The following CDK6 variants were observed in gnomAD, a reference collection of about 807,000 sequenced individuals.
CDK6 encodes the protein cyclin-dependent kinase 6.
In CDK6, 6 loss-of-function variants were observed where a neutral mutation model predicts 37.1. The observed-to-expected ratio is 0.16, with a 90% CI of 0.09 to 0.32. CDK6 has a LOEUF of 0.32. CDK6 is among the 10% of genes least tolerant of loss of function. The pLI, the probability that CDK6 is intolerant of heterozygous loss-of-function variation, is 1.00. For missense variants in CDK6, 224 were observed against 418.9 expected (o/e 0.53, Z 4.06); for synonymous variants, 160 against 161.3 (o/e 0.99, Z 0.06).
intron 5 of CDK6, among the ~76,000 whole-genome samples, chr7:92,664,417 G>A (rs1796911149): frequency 6.6e-6 from 1 of 152,172 alleles, no homozygotes. Flanking sequence ...TCAACTATGG[G>A]GAGGCACCAA....
chr7:92,763,303 A>G (rs1799503098), intron 3 of CDK6, among the ~76,000 whole-genome samples: 1 of 152,198 alleles, frequency 6.6e-6, no homozygotes, highest in Non-Finnish European at 1.5e-5. Context: ...TTTAAATTTA[A>G]TATAGTTTTG....
chr7:92,718,949 A>G (rs1798300856), intron 4 of CDK6, among the ~76,000 whole-genome samples: 1 of 152,246 alleles, frequency 6.6e-6, no homozygotes, highest in Non-Finnish European at 1.5e-5. Context: ...GCACATAGAA[A>G]GTGATCAGTA....
intron 3 of CDK6, among the ~76,000 whole-genome samples, chr7:92,726,758 G>A (rs537804278): frequency 4.9e-4 from 74 of 152,264 alleles, no homozygotes; most frequent in African/African-American, 1.8e-3. Flanking sequence ...TTAAACTAGG[G>A]TCTGGAAAAC....
intron 2 of CDK6, among the ~76,000 whole-genome samples, chr7:92,811,906 A>C (rs1389987683): frequency 6.6e-6 from 1 of 152,182 alleles, no homozygotes. Context: ...TAATCCCAGC[A>C]CTTTGGGAGG....
At chr7:92,731,995 C>T (rs898330246) in intron 3 of CDK6, among the ~76,000 whole-genome samples, 1 of 152,180 alleles carries the variant, frequency 6.6e-6, no homozygotes, top group Non-Finnish European at 1.5e-5. Context: ...AAACATGAAG[C>T]CCAAGTTCCT....
At chr7:92,624,430 A>T (rs897604115) in intron 5 of CDK6, among the ~76,000 whole-genome samples, 10 of 152,170 alleles carry the variant, frequency 6.6e-5, no homozygotes, top group African/African-American at 2.4e-4. Context: ...AGAAATAAAC[A>T]TGTGAGAACC....
At chr7:92,695,951 T>G (rs1223070029) in intron 4 of CDK6, among the ~76,000 whole-genome samples, 1 of 152,234 alleles carries the variant, frequency 6.6e-6, no homozygotes, top group Admixed American at 6.5e-5. Flanking sequence ...CTGATTTCAG[T>G]TGGAGCAGCT....
chr7:92,745,383 G>A (rs552453168), intron 3 of CDK6, among the ~76,000 whole-genome samples: 3 of 152,272 alleles, frequency 2.0e-5, no homozygotes, highest in African/African-American at 7.2e-5. Flanking sequence ...GTCCCATGAA[G>A]GGCACTGATG....
At chr7:92,778,184 CA>C (rs1461036196) in intron 2 of CDK6, among the ~76,000 whole-genome samples, 1 of 151,886 alleles carries the variant, frequency 6.6e-6, no homozygotes, top group Non-Finnish European at 1.5e-5. Flanking sequence ...AAAAACAGAA[CA>C]CCAACAACTA....
chr7:92,643,977 G>A (rs1361783685), intron 5 of CDK6, among the ~76,000 whole-genome samples: 1 of 152,124 alleles, frequency 6.6e-6, no homozygotes, highest in Non-Finnish European at 1.5e-5. Flanking sequence ...AAAAGAAATG[G>A]GCCCAGAGGG....
chr7:92,807,806 C>T (rs962722894), intron 2 of CDK6, among the ~76,000 whole-genome samples: 1 of 152,034 alleles, frequency 6.6e-6, no homozygotes, highest in African/African-American at 2.4e-5. Flanking sequence ...TATAACCAAG[C>T]GAAAATTTTA....
At chr7:92,731,615 G>A (rs1389586008) in intron 3 of CDK6, among the ~76,000 whole-genome samples, 2 of 152,164 alleles carry the variant, frequency 1.3e-5, no homozygotes, top group African/African-American at 4.8e-5. Flanking sequence ...GGATAAAAGT[G>A]TAATAAAGTG....
rs542199317 is a variant in CDK6 at position 92,797,365 on chromosome 7, G to A, written c.234-22534C>T. ...GATGCAAGCATACTTGACATGTACA[G>A]TTTTTACTGGAAAAGAATGCATTAA... On this transcript the variant is annotated intron_variant, in intron 2 of 7. Coordinates refer to ENST00000424848, the MANE Select transcript of CDK6 (RefSeq NM_001145306.2). 2.0e-5 allele frequency among the ~76,000 whole-genome samples: 3 copies of A among 152,302 alleles called. No homozygotes were observed. The South Asian group carries it at 6.2e-4, about 32-fold the overall frequency.
intron 3 of CDK6, among the ~76,000 whole-genome samples, chr7:92,742,703 G>C (rs1242825027): frequency 6.6e-6 from 1 of 151,240 alleles, no homozygotes; most frequent in African/African-American, 2.4e-5. Context: ...GAATTTACCA[G>C]TTAAAATTTT....
In CDK6 at chr7:92,625,219, AACACACACACACACAC is replaced by A. The variant is rs71699291; in HGVS notation, c.648-2149_648-2134del. Reference sequence around the variant, plus strand: ...CAGAGTTACAATTAAGTGGTAACTAAACACACACACACACACACACACACACACACACACACACACC... The same window carrying A: ...CAGAGTTACAATTAAGTGGTAACTAAACACACACACACACACACACACACC... On this transcript the variant is annotated intron_variant, in intron 5 of 7. Transcript: ENST00000424848. 1.5e-4 allele frequency among the ~76,000 whole-genome samples: 21 copies of A among 141,990 alleles called. No individual in the cohort carries two copies. The South Asian group carries it at 2.3e-3, about 15-fold the overall frequency. 93.2% of individuals were successfully genotyped at this position (141,990 alleles called of 152,430 possible). A position where few individuals can be genotyped will look rare whatever the true frequency, so the allele number is the denominator to read the frequency against.
At chr7:92,683,014 C>T (rs1399426344) in intron 4 of CDK6, among the ~76,000 whole-genome samples, 1 of 152,166 alleles carries the variant, frequency 6.6e-6, no homozygotes, top group Non-Finnish European at 1.5e-5. Context: ...TGTAGAAGTA[C>T]AGTATAGTAT....
At chr7:92,679,861 C>T (rs1272780495) in intron 4 of CDK6, among the ~76,000 whole-genome samples, 1 of 151,840 alleles carries the variant, frequency 6.6e-6, no homozygotes, top group Non-Finnish European at 1.5e-5. Context: ...GTTGGGATTA[C>T]AGGCGTGCAC....
At chr7:92,636,649 G>A (rs923362663) in intron 5 of CDK6, among the ~76,000 whole-genome samples, 1 of 152,156 alleles carries the variant, frequency 6.6e-6, no homozygotes, top group Non-Finnish European at 1.5e-5. Flanking sequence ...AAAAATATAT[G>A]TTAAAAAAGA....
chr7:92,753,650 G>A (rs1159764157), intron 3 of CDK6, among the ~76,000 whole-genome samples: 4 of 151,520 alleles, frequency 2.6e-5, no homozygotes, highest in South Asian at 2.1e-4. Flanking sequence ...ACACCACCAC[G>A]CCCAGCTAGT....
Sources: gnomAD v4.1 joint callset for allele counts (sites outside exome capture counted in the v4.1 genomes callset) on GRCh38, gnomAD v4.1.1 for gene constraint, MANE v1.5 for transcripts, NCBI Gene and HGNC (gene_info 2026-07-23, HGNC 2026-07-21) for gene names.